KCNQ1: variants seen among roughly 807,000 people sequenced by gnomAD.
KCNQ1 encodes the protein potassium voltage-gated channel subfamily Q member 1.
KCNQ1 carries 49 observed loss-of-function variants against 72.4 expected under a neutral mutation model. The ratio of observed to expected loss-of-function variants is 0.68; its 90% CI spans 0.54 to 0.86. KCNQ1 has a LOEUF of 0.86. KCNQ1 is among the 40% of genes least tolerant of loss of function. The pLI, the probability that KCNQ1 is intolerant of heterozygous loss-of-function variation, is 0.00. For missense variants in KCNQ1, 790 were observed against 945.1 expected, an observed-to-expected ratio of 0.84 and a Z score of 2.15; for synonymous variants, 450 against 412.6, an observed-to-expected ratio of 1.09 and a Z score of -1.10.
In KCNQ1 at chr11:2,674,517, T is replaced by C. The variant is rs1191406533; in HGVS notation, c.1514+12436T>C. 5.0e-6 allele frequency: 2 copies of C among 398,500 alleles called. No homozygotes were observed. Among genetic ancestry groups the C allele is most frequent in the Non-Finnish European group, 8.8e-6 (2 of 226,066 alleles). 24.7% of individuals were successfully genotyped at this position (398,500 alleles called of 1,614,324 possible). On this transcript the variant is annotated intron_variant, in intron 11 of 15. Transcript: ENST00000155840. This position sits in a 1 kb window ranked among gnomAD's most constrained non-coding sequence, Gnocchi z 5.9. ...AGTGTTACTAGGCACTAGATGGCAC[T>C]TGCAAAGCCCATTCGGAGGATTTAG...
intron 7 of KCNQ1, among the ~76,000 whole-genome samples, chr11:2,584,527 G>A (rs201042968): frequency 3.0e-5 from 4 of 133,520 alleles, no homozygotes; most frequent in Admixed American, 1.6e-4. Context: ...GTGTGTTAGT[G>A]TGTGTGTTAG....
chr11:2,492,955 T>C lies in KCNQ1; in HGVS notation c.387-34973T>C, dbSNP rs917209182. Among the ~76,000 whole-genome samples the C allele has an allele frequency of 5.9e-5, 9 of 152,330 alleles. No individual in the cohort carries two copies. The highest frequency in any genetic ancestry group is 3.9e-4 in the East Asian group (2 of 5,186). On this transcript the variant is annotated intron_variant, in intron 1 of 15. Transcript: ENST00000155840. The surrounding 1 kb of genome is among the most constrained non-coding windows in gnomAD (Gnocchi z 4.1). Reference sequence around the variant, plus strand: ...ACGCTGTCTTCCACAATGGTTGAACTAATTTACACTCCCACCAACAGTGTA... The same window carrying C: ...ACGCTGTCTTCCACAATGGTTGAACCAATTTACACTCCCACCAACAGTGTA...
chr11:2,787,965 C>A lies in KCNQ1; in HGVS notation c.1794+9928C>A, dbSNP rs1564893097. On this transcript the variant is annotated intron_variant, in intron 15 of 15. Transcript: ENST00000155840. This position sits in a 1 kb window ranked among gnomAD's most constrained non-coding sequence, Gnocchi z 6.3. ...CCACACAGATTCAGCTATGGGACAG[C>A]GCTGCTTTGGACGGGCATGGCCGTG... is the stretch of plus-strand genomic sequence containing the variant. Among the ~76,000 whole-genome samples, 2 of 152,166 alleles carry A rather than the reference C, an allele frequency of 1.3e-5. No individual in the cohort carries two copies. Among genetic ancestry groups the A allele is most frequent in the South Asian group, 4.1e-4 (2 of 4,820 alleles).
chr11:2,522,732 T>C (rs1277920817), intron 1 of KCNQ1, among the ~76,000 whole-genome samples: 1 of 152,220 alleles, frequency 6.6e-6, no homozygotes, highest in African/African-American at 2.4e-5. Flanking sequence ...GTCCCCACCA[T>C]CTGCCTGGCC....
Position 2,587,637 on chromosome 11 carries a change from C to A in KCNQ1, c.1196C>A (p.Ala399Asp). 2 of 1,613,870 alleles carry A rather than the reference C, an allele frequency of 1.2e-6. No individual in the cohort carries two copies. The highest frequency in any genetic ancestry group is 1.7e-6 in the Non-Finnish European group (2 of 1,179,978). The change falls in exon 9 of 16, where the codon GCC (alanine) becomes GAC (aspartate). Residue 399 changes from alanine (A) to aspartate (D), a missense_variant. Around this residue, in one of 5 missense-constraint regions of KCNQ1, gnomAD observed 178 missense variants for 177.9 expected, o/e 1.00. Transcript: ENST00000155840. ...SSTWKIYIRK[A>D]PRSHTLLSPS... is the part of the protein sequence containing the mutation. ...ACCTGGAAGATCTACATCCGGAAGG[C>A]CCCCCGGAGCCACACTCTGCTGTCA...
At position 2,652,157 on chromosome 11, in the gene KCNQ1, G is replaced by A. The variant is rs906234041; in HGVS notation, c.1394-9804G>A. On this transcript the variant is annotated intron_variant, in intron 10 of 15. Transcript: ENST00000155840. This position sits in a 1 kb window ranked among gnomAD's most constrained non-coding sequence, Gnocchi z 5.9. ...CTGTGTTTCTCAAGCCCGCGCCCTC[G>A]GGGCCTGGGGGTGGGGCCCCAGCAG... 9.0e-5 allele frequency: 36 copies of A among 398,508 alleles called. No homozygotes were observed. The highest frequency in any genetic ancestry group is 1.2e-4 in the Non-Finnish European group (28 of 226,108). 24.7% of individuals were successfully genotyped at this position (398,508 alleles called of 1,614,324 possible).
Position 2,720,269 on chromosome 11 carries a change from C to G in KCNQ1, c.1515-48575C>G, listed in dbSNP as rs1004046963. On this transcript the variant is annotated intron_variant, in intron 11 of 15. Coordinates refer to ENST00000155840, the MANE Select transcript of KCNQ1 (RefSeq NM_000218.3). This position sits in a 1 kb window ranked among gnomAD's most constrained non-coding sequence, Gnocchi z 5.1. ...GTTATCTTTAAAAAGTATCGGTGGG[C>G]TCATGGGGGCTTGAGTGTCCTGGCA... Among the ~76,000 whole-genome samples the G allele has an allele frequency of 6.6e-6, 1 of 152,142 alleles. No homozygotes were observed. The highest frequency in any genetic ancestry group is 1.5e-5 in the Non-Finnish European group (1 of 68,030).
intron 6 of KCNQ1, among the ~76,000 whole-genome samples, chr11:2,573,703 G>A (rs563766749): frequency 1.9e-3 from 290 of 152,326 alleles, no homozygotes; most frequent in Non-Finnish European, 3.3e-3. Flanking sequence ...GTGTGCAGCA[G>A]GCAGATCCCG....
At chr11:2,580,926 A>G (rs938140024) in intron 6 of KCNQ1, among the ~76,000 whole-genome samples, 2 of 152,198 alleles carry the variant, frequency 1.3e-5, no homozygotes, top group Admixed American at 1.3e-4. Flanking sequence ...CCTTCTGCAG[A>G]GCGGAGGCAG....
rs1487153106 is a variant in KCNQ1, at chr11:2,579,846, C to T, written c.922-3589C>T. On this transcript the variant is annotated intron_variant, in intron 6 of 15. Coordinates refer to ENST00000155840, the MANE Select transcript of KCNQ1 (RefSeq NM_000218.3). This position sits in a 1 kb window ranked among gnomAD's most constrained non-coding sequence, Gnocchi z 6.0. ...TGACACCCCCACCCTCAGCAGCTCTCGTCTGTTTGGGGGCAGGTTTGGAAG... is the reference window on the plus strand; with the variant it reads ...TGACACCCCCACCCTCAGCAGCTCTTGTCTGTTTGGGGGCAGGTTTGGAAG... 6.6e-6 allele frequency among the ~76,000 whole-genome samples: 1 copy of T among 151,990 alleles called. No individual in the cohort carries two copies. Among genetic ancestry groups the T allele is most frequent in the East Asian group, 1.9e-4 (1 of 5,160 alleles).
At position 2,817,097 on chromosome 11, in the gene KCNQ1, C is replaced by A. The variant is rs947713262; in HGVS notation, c.1795-30670C>A. On this transcript the variant is annotated intron_variant, in intron 15 of 15. Coordinates refer to ENST00000155840, the MANE Select transcript of KCNQ1 (RefSeq NM_000218.3). This position sits in a 1 kb window ranked among gnomAD's most constrained non-coding sequence, Gnocchi z 6.1. ...CCCTCACCCTAGTCCACATGCCCGACCCATGACCCAGGCCTGTGGCGCCAG... is the reference window on the plus strand; with the variant it reads ...CCCTCACCCTAGTCCACATGCCCGAACCATGACCCAGGCCTGTGGCGCCAG... 6.6e-6 allele frequency among the ~76,000 whole-genome samples: 1 copy of A among 152,146 alleles called. No homozygotes were observed. The highest frequency in any genetic ancestry group is 1.5e-5 in the Non-Finnish European group (1 of 68,016).
At chr11:2,472,600 C>T (rs572512669) in intron 1 of KCNQ1, among the ~76,000 whole-genome samples, 1 of 152,038 alleles carries the variant, frequency 6.6e-6, no homozygotes, top group Non-Finnish European at 1.5e-5. Flanking sequence ...CAAGGCAGAG[C>T]GTCTGGGAGG....
intron 15 of KCNQ1, among the ~76,000 whole-genome samples, chr11:2,794,924 A>G (rs1679771098): frequency 6.6e-6 from 1 of 152,150 alleles, no homozygotes; most frequent in Admixed American, 6.5e-5. Flanking sequence ...ATGTACAGAG[A>G]CCAGGCCCAG....
In KCNQ1 at chr11:2,815,475, C is replaced by A. The variant is rs1185189957; in HGVS notation, c.1795-32292C>A. 2.0e-5 allele frequency among the ~76,000 whole-genome samples: 3 copies of A among 152,100 alleles called. No homozygotes were observed. The highest frequency in any genetic ancestry group is 7.2e-5 in the African/African-American group (3 of 41,408). On this transcript the variant is annotated intron_variant, in intron 15 of 15. Transcript: ENST00000155840. The surrounding 1 kb of genome is among the most constrained non-coding windows in gnomAD (Gnocchi z 5.4). ...TGGGGTCGGAGGAGGTCCTGGGAGC[C>A]CACCTCCTGTAGATCCAAACACCTG...
Position 2,642,291 on chromosome 11 carries a change from C to T in KCNQ1, c.1394-19670C>T, listed in dbSNP as rs1849592400. On this transcript the variant is annotated intron_variant, in intron 10 of 15. Transcript: ENST00000155840. The surrounding 1 kb of genome is among the most constrained non-coding windows in gnomAD (Gnocchi z 4.3). ...GTGTGTTCTTTTCAATTTCTTTCAT[C>T]AGACTTTTGTAGTTTTCCTTGTTAG... 2.5e-6 allele frequency: 1 copy of T among 398,166 alleles called. No homozygotes were observed. The highest frequency in any genetic ancestry group is 4.4e-6 in the Non-Finnish European group (1 of 225,868). The allele number at this position is 398,166 out of a possible 1,614,324, so 24.7% of individuals were successfully genotyped here.
chr11:2,677,404 T>C lies in KCNQ1; in HGVS notation c.1514+15323T>C, dbSNP rs16928538. On this transcript the variant is annotated intron_variant, in intron 11 of 15. Transcript: ENST00000155840. This position sits in a 1 kb window ranked among gnomAD's most constrained non-coding sequence, Gnocchi z 4.5. ...GAGGAAACCAAGATCGATGCCTAGA[T>C]AAGCATTTCAGAGGACAGCAGGGGA... 0.041 allele frequency: 16,329 copies of C among 398,532 alleles called. 541 individuals carry two copies. The highest frequency in any genetic ancestry group is 0.1 in the African/African-American group (5,044 of 48,706). The allele number at this position is 398,532 out of a possible 1,614,324, so 24.7% of individuals were successfully genotyped here. A position where few individuals can be genotyped will look rare whatever the true frequency, so the allele number is the denominator to read the frequency against.
Position 2,471,678 on chromosome 11 carries a change from A to G in KCNQ1, c.386+26194A>G, listed in dbSNP as rs199985250. Among the ~76,000 whole-genome samples, 4 of 150,168 alleles carry G rather than the reference A, an allele frequency of 2.7e-5. No homozygotes were observed. Among genetic ancestry groups the G allele is most frequent in the South Asian group, 2.1e-4 (1 of 4,732 alleles). ...TATGGGTGTGTGCATGGGTGTGCAC[A>G]TGTGTATGGGTGTGCATGTGTGTAT... On this transcript the variant is annotated intron_variant, in intron 1 of 15. Coordinates refer to ENST00000155840, the MANE Select transcript of KCNQ1 (RefSeq NM_000218.3). The surrounding 1 kb of genome is among the most constrained non-coding windows in gnomAD (Gnocchi z 4.8).
In KCNQ1 at chr11:2,803,482, G is replaced by T. The variant is rs1847313222; in HGVS notation, c.1794+25445G>T. On this transcript the variant is annotated intron_variant, in intron 15 of 15. Coordinates refer to ENST00000155840, the MANE Select transcript of KCNQ1 (RefSeq NM_000218.3). The surrounding 1 kb of genome is among the most constrained non-coding windows in gnomAD (Gnocchi z 6.4). ...CCAGGAGCTTTAGGGGTACCCAGGT[G>T]GTGTGATGGGGAGCAGGAGCCAGTT... 6.6e-6 allele frequency among the ~76,000 whole-genome samples: 1 copy of T among 152,174 alleles called. No homozygotes were observed. The highest frequency in any genetic ancestry group is 2.1e-4 in the South Asian group (1 of 4,834).
At chr11:2,616,436 T>C (rs1849065678) in intron 10 of KCNQ1, 1 of 397,842 alleles carries the variant, frequency 2.5e-6, no homozygotes, top group Admixed American at 4.4e-5. Flanking sequence ...TCTTTTAACT[T>C]TAGGTTTACT....
Sources: gnomAD v4.1 joint callset for allele counts (sites outside exome capture counted in the v4.1 genomes callset) on GRCh38, gnomAD v4.1.1 for gene constraint, gnomAD v4.1.1 regional missense constraint, Gnocchi (gnomAD v3.1) non-coding constraint, MANE v1.5 for transcripts, NCBI Gene and HGNC (gene_info 2026-07-23, HGNC 2026-07-21) for gene names.